The following PRRC1 variants were observed in gnomAD, a reference collection of about 807,000 sequenced individuals.
The protein encoded by PRRC1 is protein PRRC1.
In PRRC1, 39 loss-of-function variants were observed where a neutral mutation model predicts 40.7. That is an observed-to-expected ratio of 0.96 (90% CI 0.74 to 1.25). The LOEUF is 1.25. PRRC1 is among the 50% of genes most tolerant of loss of function. The pLI, the probability that PRRC1 is intolerant of heterozygous loss-of-function variation, is 0.00. For synonymous variants in PRRC1, 175 were observed against 193.3 expected, an observed-to-expected ratio of 0.91 and a Z score of 0.79; for missense variants, 573 against 548.3, an observed-to-expected ratio of 1.05 and a Z score of -0.45.
rs1169559774 is a variant in PRRC1, at chr5:127,553,000, T to C, written c.*1084T>C. The stretch of plus-strand genomic sequence containing the variant: ...AGCCTTTTCCCCTCAAATAATATAT[T>C]ATATCATTTTTGGACTTATATAAAT... On this transcript the variant is annotated 3_prime_UTR_variant, in exon 9 of 9. Transcript: ENST00000296666. 9.0e-6 allele frequency: 7 copies of C among 773,642 alleles called. No homozygotes were observed. The highest frequency in any genetic ancestry group is 1.1e-5 in the Non-Finnish European group (7 of 640,736). 47.9% of individuals were successfully genotyped at this position (773,642 alleles called of 1,614,324 possible).
Position 127,543,876 on chromosome 5 carries a change from C to T in PRRC1, c.1026-3943C>T, listed in dbSNP as rs563047315. Among the ~76,000 whole-genome samples, 767 of 152,364 alleles carry T rather than the reference C, an allele frequency of 5.0e-3. 9 individuals are homozygous for T. In the Middle Eastern group the frequency reaches 0.068, roughly 14 times the overall value. On this transcript the variant is annotated intron_variant, in intron 7 of 8. Coordinates refer to ENST00000296666, the MANE Select transcript of PRRC1 (RefSeq NM_130809.5). The stretch of plus-strand genomic sequence containing the variant: ...CTGAAGCCTTCTTCTCTCAACTCGT[C>T]AAAGTCATTCTCTGTCCAGCTTTGT...
At chr5:127,531,511 T>G (rs1767768191) in intron 5 of PRRC1, among the ~76,000 whole-genome samples, 1 of 152,188 alleles carries the variant, frequency 6.6e-6, no homozygotes, top group African/African-American at 2.4e-5. Flanking sequence ...TTTTTGGAGC[T>G]TTTGCTGTTT....
At chr5:127,540,787 G>A (rs1044107096) in intron 7 of PRRC1, among the ~76,000 whole-genome samples, 1 of 151,924 alleles carries the variant, frequency 6.6e-6, no homozygotes, top group African/African-American at 2.4e-5. Flanking sequence ...TTTTTGATGG[G>A]GTTGTTTGTT....
chr5:127,553,464 T>G lies in PRRC1; in HGVS notation c.*1548T>G. ...GCCTTGGTGTACTTTTGTCCAGGAG[T>G]AACAGGGACAGAATACTTTCTTTCT... On this transcript the variant is annotated 3_prime_UTR_variant, in exon 9 of 9. Coordinates refer to ENST00000296666, the MANE Select transcript of PRRC1 (RefSeq NM_130809.5). 9.0e-7 allele frequency: 1 copy of G among 1,114,876 alleles called. No homozygotes were observed. Among genetic ancestry groups the G allele is most frequent in the South Asian group, 2.2e-5 (1 of 44,848 alleles). 69.1% of individuals were successfully genotyped at this position (1,114,876 alleles called of 1,614,324 possible).
At position 127,517,695 on chromosome 5, in the gene PRRC1, C is replaced by T. The variant is rs1209748641; in HGVS notation, c.-102C>T. The T allele has an allele frequency of 1.1e-4, 16 of 152,254 alleles. No individual in the cohort carries two copies. The highest frequency in any genetic ancestry group is 2.4e-4 in the African/African-American group (10 of 41,558). 9.4% of individuals were successfully genotyped at this position (152,254 alleles called of 1,614,324 possible). A position where few individuals can be genotyped will look rare whatever the true frequency, so the allele number is the denominator to read the frequency against. On this transcript the variant is annotated 5_prime_UTR_variant, in exon 1 of 9. Coordinates refer to ENST00000296666, the MANE Select transcript of PRRC1 (RefSeq NM_130809.5). ...TTCCAGGGTGCGCCTTCGTTGTCTT[C>T]TCCAAGCTGTAGTTCTACGTCCCGA...
rs1244339792 is a variant in PRRC1 at position 127,553,856 on chromosome 5, G to A, written c.*1940G>A. ...GCAGTCCATGGCTTGGTTGAAGCTA[G>A]AAATTTTCCTGCCCCTGGTGACCTG... On this transcript the variant is annotated 3_prime_UTR_variant, in exon 9 of 9. Transcript: ENST00000296666. 6.5e-7 allele frequency: 1 copy of A among 1,535,792 alleles called. No homozygotes were observed. The highest frequency in any genetic ancestry group is 8.7e-7 in the Non-Finnish European group (1 of 1,146,674).
intron 8 of PRRC1, chr5:127,549,897 C>T (rs988823473): frequency 6.6e-6 from 1 of 152,104 alleles, no homozygotes; most frequent in African/African-American, 2.4e-5. Context: ...TGTTAGATAT[C>T]TGACCATTGC....
intron 6 of PRRC1, among the ~76,000 whole-genome samples, chr5:127,535,146 T>C (rs1767865040): frequency 6.6e-6 from 1 of 152,200 alleles, no homozygotes; most frequent in South Asian, 2.1e-4. Context: ...ATACATAACT[T>C]TGTTTTATGC....
At chr5:127,546,333 T>C (rs1273939390) in intron 7 of PRRC1, among the ~76,000 whole-genome samples, 2 of 152,226 alleles carry the variant, frequency 1.3e-5, no homozygotes, top group Non-Finnish European at 2.9e-5. Flanking sequence ...CTTGACTATA[T>C]GAACCATAGT....
At chr5:127,518,312 A>T (rs1767369843) in intron 1 of PRRC1, among the ~76,000 whole-genome samples, 1 of 152,186 alleles carries the variant, frequency 6.6e-6, no homozygotes, top group Non-Finnish European at 1.5e-5. Flanking sequence ...ATTTTCCCTG[A>T]GGTTACCCCA....
chr5:127,527,757 CAAAAA>C (rs11395244), intron 4 of PRRC1, among the ~76,000 whole-genome samples: 4 of 80,262 alleles, frequency 5.0e-5, no homozygotes, highest in African/African-American at 8.7e-5. Context: ...GACACTGTCT[CAAAAA>C]AAAAAAAAAA....
intron 1 of PRRC1, among the ~76,000 whole-genome samples, chr5:127,522,535 C>T (rs1767487390): frequency 6.6e-6 from 1 of 152,022 alleles, no homozygotes; most frequent in African/African-American, 2.4e-5. Flanking sequence ...GGACCATAGG[C>T]ACATGTCACC....
At chr5:127,537,104 T>G (rs1054758229) in intron 6 of PRRC1, among the ~76,000 whole-genome samples, 1 of 151,862 alleles carries the variant, frequency 6.6e-6, no homozygotes, top group Non-Finnish European at 1.5e-5. Flanking sequence ...AGTATTAACT[T>G]TATTGAAAAG....
intron 7 of PRRC1, among the ~76,000 whole-genome samples, chr5:127,540,051 A>C (rs1243250761): frequency 2.0e-5 from 3 of 152,040 alleles, no homozygotes. Flanking sequence ...GTGGAGAAAA[A>C]GTTTGAAGGT....
intron 6 of PRRC1, 87 bp from the exon 7 acceptor site, chr5:127,538,953 T>A (rs1008729827): frequency 1.8e-5 from 16 of 866,472 alleles, no homozygotes; most frequent in Non-Finnish European, 2.7e-5. Context: ...TGCATATAAA[T>A]GTATGCATGT....
In PRRC1 at chr5:127,534,047, ATCT is replaced by A. The variant is rs565082443; in HGVS notation, c.921+266_921+268del. Among the ~76,000 whole-genome samples, 115 of 152,326 alleles carry A rather than the reference ATCT, an allele frequency of 7.5e-4. 4 individuals are homozygous for A. In the East Asian group the frequency reaches 0.018, roughly 24 times the overall value. ...AAAGGAATAGTTAGTCCTAAAAGAG[ATCT>A]TCTTAATCCAGCATTAACATTCAAA... On this transcript the variant is annotated intron_variant, in intron 6 of 8. Transcript: ENST00000296666.
intron 1 of PRRC1, among the ~76,000 whole-genome samples, chr5:127,519,015 G>A (rs1238713274): frequency 6.6e-6 from 1 of 151,980 alleles, no homozygotes; most frequent in East Asian, 1.9e-4. Flanking sequence ...CATATAAAAA[G>A]CCATTAAAGA....
At chr5:127,550,437 G>A (rs1001223604) in intron 8 of PRRC1, 27 of 151,922 alleles carry the variant, frequency 1.8e-4, no homozygotes, top group African/African-American at 6.0e-4. Flanking sequence ...GTAAAAATCT[G>A]GAAATAAATT....
chr5:127,533,569 A>T, intron 5 of PRRC1, 54 bp from the exon 6 acceptor site: 2 of 1,468,862 alleles, frequency 1.4e-6, no homozygotes, highest in South Asian at 2.5e-5. Context: ...GGTAGTAATT[A>T]TGAGAATTTC....
Sources: allele counts gnomAD v4.1 joint callset (sites outside exome capture counted in the v4.1 genomes callset), GRCh38; gene constraint gnomAD v4.1.1; transcripts MANE v1.5; gene names NCBI Gene and HGNC (gene_info 2026-07-23, HGNC 2026-07-21).